The following KYAT3 variants were observed in gnomAD, a reference collection of about 807,000 sequenced individuals.
KYAT3 encodes kynurenine aminotransferase 3.
KYAT3 carries 50 observed loss-of-function variants against 59.0 expected under a neutral mutation model. That is an observed-to-expected ratio of 0.85 (90% confidence interval 0.68 to 1.07). The LOEUF (loss-of-function observed/expected upper bound fraction) is 1.07, where lower values mean the gene tolerates loss of function less well. Ranked by LOEUF, KYAT3 falls within the 50% of genes least tolerant of loss-of-function variation. The pLI is 0.00. For missense variants in KYAT3, 497 were observed against 533.3 expected, an observed-to-expected ratio of 0.93 and a Z score of 0.67; for synonymous variants, 148 against 177.0, an observed-to-expected ratio of 0.84 and a Z score of 1.30.
chr1:88,960,918 A>G (rs1676113548), intron 8 of KYAT3, among the ~76,000 whole-genome samples: 1 of 152,210 alleles, frequency 6.6e-6, no homozygotes, highest in African/African-American at 2.4e-5. Flanking sequence ...CCAGGGATAT[A>G]TGGGCAAAAG....
intron 13 of KYAT3, among the ~76,000 whole-genome samples, chr1:88,940,161 C>T (rs1279013576): frequency 6.6e-6 from 1 of 152,098 alleles, no homozygotes; most frequent in East Asian, 1.9e-4. Context: ...CCTCTGCCTC[C>T]TGGGTTCAAG....
At chr1:88,933,062 C>T (rs1249409496), downstream of KYAT3, among the ~76,000 whole-genome samples, 1 of 152,164 alleles carries the variant, frequency 6.6e-6, no homozygotes, top group Admixed American at 6.5e-5. Flanking sequence ...TGTCTCCCTT[C>T]CCTCCTTTAA....
intron 11 of KYAT3, among the ~76,000 whole-genome samples, chr1:88,945,229 T>G (rs1283022646): frequency 1.3e-5 from 2 of 152,136 alleles, no homozygotes; most frequent in Non-Finnish European, 2.9e-5. Flanking sequence ...CAGAAGGAAT[T>G]TGGAATCTAT....
At chr1:88,957,148 A>G (rs1293120757) in intron 8 of KYAT3, among the ~76,000 whole-genome samples, 1 of 152,262 alleles carries the variant, frequency 6.6e-6, no homozygotes, top group African/African-American at 2.4e-5. Flanking sequence ...AATTTGAAAC[A>G]GTAGGAAAAG....
At chr1:88,983,713 G>A (rs1378555462) in intron 2 of KYAT3, 1 of 1,613,970 alleles carries the variant, frequency 6.2e-7, no homozygotes, top group Admixed American at 1.7e-5. Flanking sequence ...CTTTTATCAA[G>A]AGTACTTCCA....
Position 88,936,076 on chromosome 1 carries a change from A to C in KYAT3, c.*107T>G. 1.4e-6 allele frequency: 1 copy of C among 733,100 alleles called. No individual in the cohort carries two copies. 45.4% of individuals were successfully genotyped at this position (733,100 alleles called of 1,614,324 possible). ...CTTTGGAAAAACAATGGAAATATTT[A>C]AATTCCAGTTGTACTGAAATACCTT... On this transcript the variant is annotated 3_prime_UTR_variant, in exon 14 of 14. Coordinates refer to ENST00000260508, the MANE Select transcript of KYAT3 (RefSeq NM_001008661.3).
chr1:88,926,491 CT>C, the KYAT3 span, among the ~76,000 whole-genome samples: 4 of 152,252 alleles, frequency 2.6e-5, no homozygotes, highest in East Asian at 7.7e-4. Context: ...TTTTTCTTTA[CT>C]TTTTGTATAG....
chr1:88,971,640 T>C (rs1676561362), intron 2 of KYAT3, among the ~76,000 whole-genome samples: 1 of 152,196 alleles, frequency 6.6e-6, no homozygotes, highest in Non-Finnish European at 1.5e-5. Flanking sequence ...AAGCACCCAT[T>C]TTCTTCTCCT....
At chr1:88,991,454 T>G (rs1677789710) in intron 1 of KYAT3, among the ~76,000 whole-genome samples, 1 of 152,208 alleles carries the variant, frequency 6.6e-6, no homozygotes, top group African/African-American at 2.4e-5. Flanking sequence ...GTCCGACCAC[T>G]GTAAAGATGA....
chr1:88,960,421 T>C (rs1342690537), intron 8 of KYAT3, among the ~76,000 whole-genome samples: 2 of 152,032 alleles, frequency 1.3e-5, no homozygotes, highest in African/African-American at 2.4e-5. Flanking sequence ...GGTTTAGAAG[T>C]AAAATATATA....
chr1:88,988,123 A>G, intron 2 of KYAT3, 129 bp downstream of exon 2: 1 of 605,542 alleles, frequency 1.7e-6, no homozygotes, highest in Non-Finnish European at 2.9e-6. Flanking sequence ...GACAAGAGAC[A>G]CCTTCAGCAT....
At chr1:88,924,681 C>T in the KYAT3 span, among the ~76,000 whole-genome samples, 3 of 152,328 alleles carry the variant, frequency 2.0e-5, no homozygotes, top group South Asian at 2.1e-4. Flanking sequence ...ATCGCAGACT[C>T]GCTGCTGACT....
chr1:88,965,419 G>C (rs936638453), intron 4 of KYAT3, among the ~76,000 whole-genome samples: 2 of 152,168 alleles, frequency 1.3e-5, no homozygotes, highest in Admixed American at 6.5e-5. Context: ...ATGGACTAGG[G>C]AAAGAGAACA....
intron 2 of KYAT3, among the ~76,000 whole-genome samples, chr1:88,974,376 G>A (rs1336675714): frequency 2.7e-5 from 4 of 148,990 alleles, no homozygotes; most frequent in Non-Finnish European, 4.5e-5. Context: ...GTTTTTGGTT[G>A]TTTTTGTGCC....
chr1:88,968,552 A>T (rs1264518253), intron 4 of KYAT3, 118 bp downstream of exon 4: 11 of 765,880 alleles, frequency 1.4e-5, no homozygotes, highest in Middle Eastern at 2.5e-4. Context: ...CTAGGATGGG[A>T]CAGCTGGTCC....
At position 88,961,492 on chromosome 1, in the gene KYAT3, T is replaced by G; in HGVS notation, c.555A>C (p.Gly185=). 6.2e-7 allele frequency: 1 copy of G among 1,611,518 alleles called. No homozygotes were observed. Among genetic ancestry groups the G allele is most frequent in the South Asian group, 1.1e-5 (1 of 90,578 alleles). The change falls in exon 7 of 14, where the codon GGA becomes GGC. Residue 185 remains glycine, a synonymous_variant. Transcript: ENST00000260508. ...FIPLRSKPVY[G]KRWSSSDWTL... ...TCCAGTCAGAACTAGACCATCTTTT[T>G]CCATAAACAGGTTTCTAAGCATGAA... is the stretch of plus-strand genomic sequence containing the variant.
chr1:88,963,306 G>A (rs2101047712), intron 5 of KYAT3, among the ~76,000 whole-genome samples: 1 of 152,164 alleles, frequency 6.6e-6, no homozygotes, highest in East Asian at 1.9e-4. Context: ...AGCAACAAAG[G>A]ATTAACAACA....
Position 88,961,361 on chromosome 1 carries a change from A to G in KYAT3, c.666+20T>C. On this transcript the variant is annotated intron_variant, in intron 7 of 13. Transcript: ENST00000260508. The stretch of plus-strand genomic sequence containing the variant: ...AAATGATAGGTCAGAAGACTGTATA[A>G]GGAGATGAGACTTGCTTACCTTGCC... The G allele has an allele frequency of 6.2e-7, 1 of 1,613,794 alleles. No individual in the cohort carries two copies.
intron 2 of KYAT3, among the ~76,000 whole-genome samples, chr1:88,986,147 C>G (rs1028771619): frequency 2.0e-5 from 3 of 150,946 alleles, no homozygotes; most frequent in Non-Finnish European, 4.4e-5. Context: ...CGCCATTGCA[C>G]TCCAGCCTGG....
Sources: gnomAD v4.1 joint callset for allele counts (sites outside exome capture counted in the v4.1 genomes callset) on GRCh38, gnomAD v4.1.1 for gene constraint, MANE v1.5 for transcripts, NCBI Gene and HGNC (gene_info 2026-07-23, HGNC 2026-07-21) for gene names.